The following CD38 variants were observed in gnomAD, a reference collection of about 807,000 sequenced individuals.
The protein encoded by CD38 is ADP-ribosyl cyclase/cyclic ADP-ribose hydrolase 1.
CD38 carries 31 observed loss-of-function variants against 36.3 expected under a neutral mutation model. The ratio of observed to expected loss-of-function variants is 0.85; its 90% CI spans 0.64 to 1.15. The LOEUF is 1.15. CD38 is among the 50% of genes most tolerant of loss of function. The probability of loss-of-function intolerance (pLI) is 0.00; values close to 1 mark genes in which losing one functional copy is unlikely to be tolerated. For synonymous variants in CD38, 131 were observed against 135.2 expected, an observed-to-expected ratio of 0.97 and a Z score of 0.22; for missense variants, 380 against 371.9, an observed-to-expected ratio of 1.02 and a Z score of -0.18.
intron 1 of CD38, among the ~76,000 whole-genome samples, chr4:15,805,200 G>A (rs1723314849): frequency 6.6e-6 from 1 of 151,668 alleles, no homozygotes; most frequent in Non-Finnish European, 1.5e-5. Flanking sequence ...TTCTTTAATG[G>A]AAACTTTTAA....
chr4:15,783,102 C>A (rs1215531153), intron 1 of CD38, among the ~76,000 whole-genome samples: 12 of 152,186 alleles, frequency 7.9e-5, no homozygotes, highest in Admixed American at 7.9e-4. Flanking sequence ...GAGCTGCCTT[C>A]TGACCAAGAT....
chr4:15,779,955 A>G (rs1013706290), intron 1 of CD38, among the ~76,000 whole-genome samples: 28 of 152,180 alleles, frequency 1.8e-4, no homozygotes, highest in African/African-American at 6.8e-4. Flanking sequence ...TTTCAATCCC[A>G]TTCATTCATC....
chr4:15,784,684 G>A (rs912737186), intron 1 of CD38, among the ~76,000 whole-genome samples: 3 of 152,154 alleles, frequency 2.0e-5, no homozygotes, highest in African/African-American at 7.2e-5. Context: ...AAAGCTTCAT[G>A]CTTACCTGTG....
At chr4:15,842,409 T>G (rs1190901190) in intron 7 of CD38, among the ~76,000 whole-genome samples, 6 of 66,900 alleles carry the variant, frequency 9.0e-5, no homozygotes, top group Non-Finnish European at 1.3e-4. Flanking sequence ...AACCCATCTG[T>G]ACATCACCAT....
chr4:15,808,058 C>T (rs968921580), intron 1 of CD38, among the ~76,000 whole-genome samples: 2 of 152,178 alleles, frequency 1.3e-5, no homozygotes, highest in African/African-American at 4.8e-5. Flanking sequence ...TTGTGCCATT[C>T]TCTCCTTGCT....
At chr4:15,829,817 G>A (rs776301904) in intron 3 of CD38, among the ~76,000 whole-genome samples, 4 of 152,058 alleles carry the variant, frequency 2.6e-5, no homozygotes, top group African/African-American at 7.2e-5. Context: ...TTTGTTGGAT[G>A]CTAAAATAAG....
At position 15,852,829 on chromosome 4, in the gene CD38, G is replaced by GTTTT. The variant is rs1724419861; in HGVS notation, c.*4227_*4228insTTTT. The GTTTT allele has an allele frequency of 4.5e-3, 638 of 141,988 alleles. No individual in the cohort carries two copies. The highest frequency in any genetic ancestry group is 6.8e-3 in the Non-Finnish European group (439 of 64,900). 8.8% of individuals were successfully genotyped at this position (141,988 alleles called of 1,614,324 possible). A position where few individuals can be genotyped will look rare whatever the true frequency, so the allele number is the denominator to read the frequency against. ...TTATTCTTTTTTTTTTTTTTTTTTG[G>GTTTT]GAGACGGAGTCTCGCTGTCGCCCAG... On this transcript the variant is annotated 3_prime_UTR_variant, in exon 8 of 8. Transcript: ENST00000226279.
At chr4:15,824,824 AT>A (rs532250365) in intron 2 of CD38, 56 bp from the exon 3 acceptor site, 214 of 1,415,126 alleles carry the variant, frequency 1.5e-4, no homozygotes, top group Middle Eastern at 2.2e-4. Context: ...CTGTGGATTA[AT>A]TTTTTTTGAC....
chr4:15,790,670 C>A (rs1362192928), intron 1 of CD38, among the ~76,000 whole-genome samples: 1 of 151,684 alleles, frequency 6.6e-6, no homozygotes, highest in Non-Finnish European at 1.5e-5. Flanking sequence ...CTCTGCCTGG[C>A]TGCCCAGTCT....
chr4:15,789,070 C>T (rs573176420), intron 1 of CD38, among the ~76,000 whole-genome samples: 1 of 152,246 alleles, frequency 6.6e-6, no homozygotes, highest in African/African-American at 2.4e-5. Context: ...TTAAGTAATT[C>T]TTGGTAAACC....
rs183116480 is a variant in CD38 at position 15,778,403 on chromosome 4, G to T, written c.-12G>T. The T allele has an allele frequency of 6.9e-6, 11 of 1,605,728 alleles. No individual in the cohort carries two copies. The East Asian group carries it at 1.6e-4, about 23-fold the overall frequency. ...GCCTCATCTTCGCCCAGCCAACCCC[G>T]CCTGGAGCCCTATGGCCAACTGCGA... is the stretch of plus-strand genomic sequence containing the variant. On this transcript the variant is annotated 5_prime_UTR_variant, in exon 1 of 8. Transcript: ENST00000226279. The surrounding 1 kb of genome is among the most constrained non-coding windows in gnomAD (Gnocchi z 4.9).
At position 15,778,468 on chromosome 4, in the gene CD38, C is replaced by T. The variant is rs1722604322; in HGVS notation, c.54C>T (p.Leu18=). ...CCGGGGACAAACCCTGCTGCCGGCT[C>T]TCTAGGAGAGCCCAACTCTGTCTTG... ...PVSGDKPCCR[L]SRRAQLCLGV... is the part of the protein sequence containing the mutation. The change falls in exon 1 of 8, where the codon CTC becomes CTT. Residue 18 remains leucine, a synonymous_variant. Transcript: ENST00000226279. The surrounding 1 kb of genome is among the most constrained non-coding windows in gnomAD (Gnocchi z 4.9). 3 of 1,613,992 alleles carry T rather than the reference C, an allele frequency of 1.9e-6. No homozygotes were observed. Among genetic ancestry groups the T allele is most frequent in the South Asian group, 1.1e-5 (1 of 91,072 alleles).
chr4:15,816,355 G>A lies in CD38; in HGVS notation c.234-156G>A, dbSNP rs114594170. On this transcript the variant is annotated intron_variant, in intron 1 of 7. Coordinates refer to ENST00000226279, the MANE Select transcript of CD38 (RefSeq NM_001775.4). ...GAAGGAATGGTACCAGCTCCTCTTT[G>A]TACCCCTGGTAGACTGCATGTTAGA... Among the ~76,000 whole-genome samples the A allele has an allele frequency of 4.6e-3, 704 of 152,184 alleles. 7 individuals are homozygous for A. Among genetic ancestry groups the A allele is most frequent in the African/African-American group, 0.016 (674 of 41,502 alleles).
chr4:15,807,370 T>A (rs928763706), intron 1 of CD38, among the ~76,000 whole-genome samples: 2 of 152,170 alleles, frequency 1.3e-5, no homozygotes, highest in African/African-American at 4.8e-5. Context: ...TAAAAGGATG[T>A]TTGGCTATTA....
intron 4 of CD38, among the ~76,000 whole-genome samples, chr4:15,837,506 C>T (rs1724094924): frequency 6.6e-6 from 1 of 152,184 alleles, no homozygotes; most frequent in South Asian, 2.1e-4. Flanking sequence ...ATATAGAACA[C>T]TATTTTGTTC....
chr4:15,823,172 A>C (rs1723776759), intron 2 of CD38, among the ~76,000 whole-genome samples: 1 of 152,230 alleles, frequency 6.6e-6, no homozygotes, highest in African/African-American at 2.4e-5. Context: ...ACTCATACAA[A>C]AATTAAGATG....
intron 3 of CD38, 116 bp downstream of exon 3, chr4:15,825,132 T>C (rs1723820928): frequency 7.4e-6 from 7 of 948,786 alleles, no homozygotes; most frequent in Non-Finnish European, 9.5e-6. Flanking sequence ...CCCATCCTGA[T>C]GCCATCTATA....
chr4:15,805,764 C>T (rs1212849512), intron 1 of CD38, among the ~76,000 whole-genome samples: 1 of 152,204 alleles, frequency 6.6e-6, no homozygotes, highest in African/African-American at 2.4e-5. Context: ...CTAATTGTCT[C>T]AGTGACTCTC....
intron 2 of CD38, among the ~76,000 whole-genome samples, chr4:15,823,072 G>A (rs1363593733): frequency 4.6e-5 from 7 of 152,160 alleles, no homozygotes; most frequent in Non-Finnish European, 1.5e-5. Flanking sequence ...ACAAAAACAA[G>A]CAATGGGGAA....
Sources: allele counts gnomAD v4.1 joint callset (sites outside exome capture counted in the v4.1 genomes callset), GRCh38; gene constraint gnomAD v4.1.1; non-coding constraint Gnocchi (gnomAD v3.1); transcripts MANE v1.5; gene names NCBI Gene and HGNC (gene_info 2026-07-23, HGNC 2026-07-21).